Variants in FIGN observed in about 807,000 individuals in gnomAD.
FIGN encodes the protein fidgetin, microtubule severing factor.
Under a neutral mutation model 51.3 loss-of-function variants are expected in FIGN, and 11 were observed. The observed-to-expected ratio is 0.21, with a 90% confidence interval of 0.13 to 0.35. The LOEUF (loss-of-function observed/expected upper bound fraction) is 0.35. Ranked by LOEUF, FIGN falls within the 10% of genes least tolerant of loss-of-function variation. The pLI is 1.00. For synonymous variants in FIGN, 407 were observed against 363.2 expected, an observed-to-expected ratio of 1.12 and a Z score of -1.37; for missense variants, 857 against 943.6, an observed-to-expected ratio of 0.91 and a Z score of 1.20.
intron 2 of FIGN, among the ~76,000 whole-genome samples, chr2:163,720,650 T>G (rs1413897023): frequency 6.6e-6 from 1 of 152,118 alleles, no homozygotes; most frequent in Non-Finnish European, 1.5e-5. Context: ...ACCACTTAGT[T>G]AAGAATCTGG....
intron 2 of FIGN, among the ~76,000 whole-genome samples, chr2:163,713,776 A>G (rs1200846868): frequency 6.6e-6 from 1 of 152,116 alleles, no homozygotes; most frequent in Non-Finnish European, 1.5e-5. Flanking sequence ...AAATTAAAGG[A>G]TGGTTTTGAT....
intron 2 of FIGN, among the ~76,000 whole-genome samples, chr2:163,641,459 C>G (rs996095139): frequency 6.6e-6 from 1 of 152,200 alleles, no homozygotes; most frequent in Admixed American, 6.5e-5. Flanking sequence ...GCCCCTTCAT[C>G]TTACAGTTAA....
At chr2:163,633,057 A>C (rs1683172325) in intron 2 of FIGN, among the ~76,000 whole-genome samples, 1 of 152,058 alleles carries the variant, frequency 6.6e-6, no homozygotes, top group Admixed American at 6.6e-5. Context: ...GGTCGTGTGC[A>C]CCTATGGTCC....
chr2:163,636,040 GAGTAGTAGGTACTTCCAAAATC>G (rs1222095840), intron 2 of FIGN, among the ~76,000 whole-genome samples: 5 of 152,154 alleles, frequency 3.3e-5, no homozygotes, highest in Admixed American at 2.6e-4. Context: ...AATCTAAAGA[GAGTAGTAGGTACTTCCAAAATC>G]AGTAGTGTAG....
chr2:163,701,574 T>C (rs749312701), intron 2 of FIGN, among the ~76,000 whole-genome samples: 3 of 152,192 alleles, frequency 2.0e-5, no homozygotes, highest in Non-Finnish European at 4.4e-5. Context: ...TTAGAAGCTT[T>C]AGCCGACAAA....
At chr2:163,696,228 A>T (rs909932019) in intron 2 of FIGN, among the ~76,000 whole-genome samples, 2 of 152,220 alleles carry the variant, frequency 1.3e-5, no homozygotes, top group Admixed American at 1.3e-4. Flanking sequence ...ATAGTTTCCT[A>T]GGTAGGAAAA....
At chr2:163,687,091 A>G (rs1327456084) in intron 2 of FIGN, among the ~76,000 whole-genome samples, 1 of 152,196 alleles carries the variant, frequency 6.6e-6, no homozygotes, top group African/African-American at 2.4e-5. Flanking sequence ...TCAAAATGAT[A>G]AAGTTCATAT....
chr2:163,621,974 T>C (rs1171691331), intron 2 of FIGN, among the ~76,000 whole-genome samples: 1 of 152,096 alleles, frequency 6.6e-6, no homozygotes, highest in Non-Finnish European at 1.5e-5. Flanking sequence ...TGATGCAAAA[T>C]GCCATTATGT....
chr2:163,706,143 T>C (rs1391528721), intron 2 of FIGN, among the ~76,000 whole-genome samples: 2 of 152,172 alleles, frequency 1.3e-5, no homozygotes, highest in Non-Finnish European at 2.9e-5. Flanking sequence ...CTAAAGCTTG[T>C]TAAATGCTAC....
rs2105293272 is a variant in FIGN at position 163,602,911 on chromosome 2, T to C, written c.*6641A>G. The C allele has an allele frequency of 6.6e-6, 1 of 151,852 alleles. No individual in the cohort carries two copies. Among genetic ancestry groups the C allele is most frequent in the Non-Finnish European group, 1.5e-5 (1 of 67,920 alleles). 9.4% of individuals were successfully genotyped at this position (151,852 alleles called of 1,614,324 possible). A position where few individuals can be genotyped will look rare whatever the true frequency, so the allele number is the denominator to read the frequency against. On this transcript the variant is annotated 3_prime_UTR_variant, in exon 3 of 3. Transcript: ENST00000333129. The stretch of plus-strand genomic sequence containing the variant: ...ATTACAGTGCCAACACCCAAGAAAA[T>C]GAGATGCAATGGATTACAATTGAAA...
rs1265329633 is a variant in FIGN at position 163,610,781 on chromosome 2, T to C, written c.1051A>G (p.Met351Val). 2.5e-6 allele frequency: 4 copies of C among 1,614,048 alleles called. 1 individual carries two copies. Among genetic ancestry groups the C allele is most frequent in the African/African-American group, 1.3e-5 (1 of 74,928 alleles). ...QRSTQSPMYR[M>V]PDNSISNTNR... ...GTGTTTGAAATGCTGTTGTCGGGCA[T>C]TCTGTACATAGGACTCTGTGTAGAT... Residue 351 changes from methionine to valine, a missense_variant, in exon 3 of 3, where the codon ATG becomes GTG. Met to Val is a conservative substitution (Grantham distance 21). This residue lies in a region of FIGN where 799 missense variants were observed against 849.5 expected (regional missense o/e 0.94). Transcript: ENST00000333129.
chr2:163,687,526 C>T (rs1407130820), intron 2 of FIGN, among the ~76,000 whole-genome samples: 2 of 152,092 alleles, frequency 1.3e-5, no homozygotes, highest in African/African-American at 2.4e-5. Context: ...AGACTTCACT[C>T]CAAAATGAGG....
chr2:163,697,029 T>A (rs1453874561), intron 2 of FIGN, among the ~76,000 whole-genome samples: 2 of 151,724 alleles, frequency 1.3e-5, no homozygotes, highest in Non-Finnish European at 2.9e-5. Flanking sequence ...ATTTAAGCGC[T>A]TATTAAAGGG....
rs1691034376 is a variant in FIGN, at chr2:163,604,158, A to T, written c.*5394T>A. 6.6e-6 allele frequency: 1 copy of T among 152,110 alleles called. No homozygotes were observed. The highest frequency in any genetic ancestry group is 2.1e-4 in the South Asian group (1 of 4,832). 9.4% of individuals were successfully genotyped at this position (152,110 alleles called of 1,614,324 possible). On this transcript the variant is annotated 3_prime_UTR_variant, in exon 3 of 3. Coordinates refer to ENST00000333129, the MANE Select transcript of FIGN (RefSeq NM_018086.4). ...ATGAAGGCATTTTCAATCACTGAAG[A>T]CTATAGTTGAAAATAGTTAAGTACC... is the stretch of plus-strand genomic sequence containing the variant.
chr2:163,728,973 A>G (rs112013201), intron 2 of FIGN, among the ~76,000 whole-genome samples: 7 of 152,364 alleles, frequency 4.6e-5, no homozygotes, highest in Non-Finnish European at 7.3e-5. Context: ...TTAGAACGAC[A>G]TACAGAAACC....
chr2:163,685,977 A>G (rs1377420834), intron 2 of FIGN, among the ~76,000 whole-genome samples: 1 of 152,268 alleles, frequency 6.6e-6, no homozygotes, highest in Non-Finnish European at 1.5e-5. Flanking sequence ...TGTAAAATCT[A>G]TCAAAGGCAC....
At chr2:163,663,913 G>C (rs2105329224) in intron 2 of FIGN, among the ~76,000 whole-genome samples, 1 of 150,256 alleles carries the variant, frequency 6.7e-6, no homozygotes, top group East Asian at 2.0e-4. Context: ...AAAAAAGATA[G>C]TTTACTCTTT....
chr2:163,700,253 T>A (rs1684387880), intron 2 of FIGN, among the ~76,000 whole-genome samples: 1 of 152,108 alleles, frequency 6.6e-6, no homozygotes, highest in East Asian at 1.9e-4. Context: ...CACAGTGACA[T>A]AAGGAAGGCA....
Position 163,609,765 on chromosome 2 carries a change from A to C in FIGN, c.2067T>G (p.Ser689=), listed in dbSNP as rs112774380. The C allele has an allele frequency of 6.2e-7, 1 of 1,614,176 alleles. No individual in the cohort carries two copies. Among genetic ancestry groups the C allele is most frequent in the Non-Finnish European group, 8.5e-7 (1 of 1,180,026 alleles). The change falls in exon 3 of 3, where the codon TCT becomes TCG. Residue 689 remains serine (S), a synonymous_variant. Transcript: ENST00000333129. ...ALLVQRTEGF[S]GLDVAHLCQE... The stretch of plus-strand genomic sequence containing the variant: ...GACACAAATGAGCCACATCTAGTCC[A>C]GAAAAGCCTTCTGTGCGCTGGACGA...
Sources: gnomAD v4.1 joint callset for allele counts (sites outside exome capture counted in the v4.1 genomes callset) on GRCh38, gnomAD v4.1.1 for gene constraint, gnomAD v4.1.1 regional missense constraint, MANE v1.5 for transcripts, NCBI Gene and HGNC (gene_info 2026-07-23, HGNC 2026-07-21) for gene names.